The following SPRR2G variants were observed in gnomAD, a reference collection of about 807,000 sequenced individuals.
SPRR2G encodes small proline-rich protein 2G.
In SPRR2G, 1 loss-of-function variant was observed where a neutral mutation model predicts 0.7. That is an observed-to-expected ratio of 1.49 (90% CI 0.53 to 7.06). SPRR2G has a LOEUF of 7.06. SPRR2G is among the 30% of genes most tolerant of loss of function. The probability of loss-of-function intolerance (pLI) is 0.14; values close to 1 mark genes in which losing one functional copy is unlikely to be tolerated. For missense variants in SPRR2G, 96 were observed against 88.5 expected (o/e 1.09, Z -0.34); for synonymous variants, 38 against 33.9 (o/e 1.12, Z -0.42).
the SPRR2G span, among the ~76,000 whole-genome samples, chr1:153,200,700 A>ATTT: frequency 4.8e-4 from 67 of 138,456 alleles, no homozygotes; most frequent in African/African-American, 1.6e-3. Flanking sequence ...TGAAAGCAGG[A>ATTT]TTTTTTTTTT....
upstream of SPRR2G, chr1:153,150,957 C>G (rs1023216519): frequency 9.8e-5 from 15 of 152,286 alleles, no homozygotes; most frequent in Non-Finnish European, 1.8e-4. Context: ...CAGCCCAGGA[C>G]TAGCATGATG....
chr1:153,171,425 T>C, the SPRR2G span, among the ~76,000 whole-genome samples: 1 of 152,202 alleles, frequency 6.6e-6, no homozygotes, highest in Non-Finnish European at 1.5e-5. Flanking sequence ...AATGCTTCCC[T>C]GTATTCATTC....
the SPRR2G span, among the ~76,000 whole-genome samples, chr1:153,177,409 T>G: frequency 6.6e-6 from 1 of 152,204 alleles, no homozygotes; most frequent in Admixed American, 6.5e-5. Context: ...TTTAACTTTA[T>G]AAGAAACCGC....
chr1:153,163,235 T>C, the SPRR2G span, among the ~76,000 whole-genome samples: 3,359 of 152,278 alleles, frequency 0.022, 111 homozygotes, highest in East Asian at 0.11. Context: ...GCATGGATTG[T>C]GTGTGATTTT....
chr1:153,200,397 A>G, the SPRR2G span, among the ~76,000 whole-genome samples: 2 of 152,128 alleles, frequency 1.3e-5, no homozygotes, highest in East Asian at 3.9e-4. Context: ...AAACCAATGA[A>G]GACACCTGGC....
chr1:153,151,665 A>G (rs930430395), upstream of SPRR2G, among the ~76,000 whole-genome samples: 1 of 152,198 alleles, frequency 6.6e-6, no homozygotes, highest in Non-Finnish European at 1.5e-5. Flanking sequence ...GCCTTAATGT[A>G]TGTGCTGCAT....
chr1:153,197,850 C>T, the SPRR2G span, among the ~76,000 whole-genome samples: 644 of 152,236 alleles, frequency 4.2e-3, 2 homozygotes, highest in Admixed American at 7.6e-3. Context: ...AAAGCAATTG[C>T]GAAACCATTG....
At chr1:153,175,420 T>C in the SPRR2G span, among the ~76,000 whole-genome samples, 1 of 152,202 alleles carries the variant, frequency 6.6e-6, no homozygotes, top group Non-Finnish European at 1.5e-5. Flanking sequence ...GCAACGCTCC[T>C]CTCCCTGGGT....
At chr1:153,203,072 G>T in the SPRR2G span, among the ~76,000 whole-genome samples, 6 of 152,300 alleles carry the variant, frequency 3.9e-5, no homozygotes, top group Middle Eastern at 3.4e-3. Flanking sequence ...TCAATTCAGG[G>T]TTGCTCTCCT....
the SPRR2G span, among the ~76,000 whole-genome samples, chr1:153,174,151 T>C: frequency 0.016 from 2,427 of 152,282 alleles, 63 homozygotes; most frequent in African/African-American, 0.056. Flanking sequence ...ACCTATTTCT[T>C]CCTCTTTGGT....
chr1:153,195,001 G>A, the SPRR2G span, among the ~76,000 whole-genome samples: 1 of 152,168 alleles, frequency 6.6e-6, no homozygotes, highest in East Asian at 1.9e-4. Context: ...TTTATCTCCT[G>A]TTTTTTGCAG....
chr1:153,197,651 C>T, the SPRR2G span, among the ~76,000 whole-genome samples: 2 of 152,272 alleles, frequency 1.3e-5, no homozygotes, highest in South Asian at 2.1e-4. Context: ...CATTGCCCCC[C>T]GGCAGAACAG....
At chr1:153,167,484 AAAAAAG>A in the SPRR2G span, among the ~76,000 whole-genome samples, 63,568 of 151,422 alleles carry the variant, frequency 0.42, 13,912 homozygotes, top group East Asian at 0.53. Context: ...AAAAAAAAAC[AAAAAAG>A]AAAAAGAAAA....
the SPRR2G span, among the ~76,000 whole-genome samples, chr1:153,156,072 C>T: frequency 1.3e-3 from 198 of 152,268 alleles, 2 homozygotes; most frequent in East Asian, 0.02. Flanking sequence ...AAACAGAGTA[C>T]GTGCTAGATA....
the SPRR2G span, among the ~76,000 whole-genome samples, chr1:153,200,880 G>T: frequency 6.6e-6 from 1 of 151,998 alleles, no homozygotes; most frequent in Non-Finnish European, 1.5e-5. Context: ...GCTAATTTTT[G>T]TATTTTTAGT....
the SPRR2G span, among the ~76,000 whole-genome samples, chr1:153,157,581 C>G: frequency 6.6e-6 from 1 of 152,066 alleles, no homozygotes; most frequent in East Asian, 1.9e-4. Context: ...TCACCACAAT[C>G]AAGACACTAA....
In SPRR2G at chr1:153,149,895, G is replaced by C. The variant is rs1317345355; in HGVS notation, c.216C>G (p.Ser72Arg). 1 of 1,613,970 alleles carries C rather than the reference G, an allele frequency of 6.2e-7. No individual in the cohort carries two copies. The highest frequency in any genetic ancestry group is 8.5e-7 in the Non-Finnish European group (1 of 1,180,026). ...PPCQQKYPPK[S>R]K ...CTGATGAATTCTAGTGATGTTACTTGCTCTTGGGTGGATACTTCTGCTGGC... is the reference window on the plus strand; with the variant it reads ...CTGATGAATTCTAGTGATGTTACTTCCTCTTGGGTGGATACTTCTGCTGGC... The change falls in exon 2 of 2, where the codon AGC becomes AGG. Residue 72 changes from serine to arginine, a missense_variant. Coordinates refer to ENST00000368748, the MANE Select transcript of SPRR2G (RefSeq NM_001014291.4).
the SPRR2G span, among the ~76,000 whole-genome samples, chr1:153,202,218 A>T: frequency 1.3e-5 from 2 of 152,248 alleles, no homozygotes; most frequent in Non-Finnish European, 2.9e-5. Context: ...CATGTTTCAT[A>T]CTGACCCTCC....
chr1:153,178,568 A>T, the SPRR2G span, among the ~76,000 whole-genome samples: 4 of 152,232 alleles, frequency 2.6e-5, no homozygotes, highest in African/African-American at 9.6e-5. Context: ...TATTCAGATG[A>T]TATAATTTCT....
Sources: gnomAD v4.1 joint callset for allele counts (sites outside exome capture counted in the v4.1 genomes callset) on GRCh38, gnomAD v4.1.1 for gene constraint, MANE v1.5 for transcripts, NCBI Gene and HGNC (gene_info 2026-07-23, HGNC 2026-07-21) for gene names.